CDH23: variants seen among roughly 807,000 people sequenced by gnomAD.
The protein encoded by CDH23 is cadherin related 23, also known as cadherin-23.
Under a neutral mutation model 317.1 loss-of-function variants are expected in CDH23, and 189 were observed. The observed-to-expected ratio is 0.60, with a 90% CI of 0.53 to 0.67. The LOEUF is 0.67. CDH23 is among the 30% of genes least tolerant of loss of function. The probability of loss-of-function intolerance (pLI) is 0.00; values close to 1 mark genes in which losing one functional copy is unlikely to be tolerated. For synonymous variants in CDH23, 1,839 were observed against 1,876.8 expected (o/e 0.98, Z 0.52); for missense variants, 4,401 against 4,592.4 (o/e 0.96, Z 1.20).
chr10:71,701,592 C>G (rs922825679), intron 22 of CDH23, among the ~76,000 whole-genome samples: 6 of 152,060 alleles, frequency 3.9e-5, no homozygotes, highest in Non-Finnish European at 5.9e-5. Flanking sequence ...CCTCTCCTTC[C>G]TTAACACTCC....
chr10:71,751,118 TG>T lies in CDH23; in HGVS notation c.4845+9198del, dbSNP rs1235645124. On this transcript the variant is annotated intron_variant, in intron 38 of 69. Transcript: ENST00000224721. The surrounding 1 kb of genome is among the most constrained non-coding windows in gnomAD (Gnocchi z 4.9). ...GGGTTGAGGGGCTGGGCTTCTGGGA[TG>T]TCACAGTATCTGAGCCCAGAGCAGG... 2.9e-6 allele frequency: 3 copies of T among 1,042,194 alleles called. No homozygotes were observed. In the African/African-American group the frequency reaches 4.9e-5, roughly 17 times the overall value. 64.6% of individuals were successfully genotyped at this position (1,042,194 alleles called of 1,614,324 possible). A position where few individuals can be genotyped will look rare whatever the true frequency, so the allele number is the denominator to read the frequency against.
chr10:71,705,408 C>G (rs560039177), intron 25 of CDH23, among the ~76,000 whole-genome samples: 1 of 152,292 alleles, frequency 6.6e-6, no homozygotes, highest in Admixed American at 6.5e-5. Flanking sequence ...AGCCTCTGAT[C>G]GTGGCAACAG....
chr10:71,806,127 T>C, intron 56 of CDH23, 41 bp from the exon 57 acceptor site: 2 of 1,539,364 alleles, frequency 1.3e-6, no homozygotes, highest in East Asian at 4.9e-5. Context: ...GCCAATCCCC[T>C]CTCCCAGTCT....
rs1851539209 is a variant in CDH23, at chr10:71,471,987, C to G, written c.145+25592C>G. Among the ~76,000 whole-genome samples, 3 of 152,200 alleles carry G rather than the reference C, an allele frequency of 2.0e-5. 1 individual carries two copies. The South Asian group carries it at 6.2e-4, about 31-fold the overall frequency. The stretch of plus-strand genomic sequence containing the variant: ...ACTTCTAATTTGTATTTTTGTCCCC[C>G]ACATCTACAGGTGTGCCTGGAATGG... On this transcript the variant is annotated intron_variant, in intron 3 of 69. Coordinates refer to ENST00000224721, the MANE Select transcript of CDH23 (RefSeq NM_022124.6).
intron 28 of CDH23, among the ~76,000 whole-genome samples, chr10:71,720,217 C>G (rs1027712627): frequency 6.6e-6 from 1 of 152,188 alleles, no homozygotes; most frequent in Non-Finnish European, 1.5e-5. Context: ...TCCCTGGGCC[C>G]CATTCCTTCC....
rs1847586606 is a variant in CDH23 at position 71,397,681 on chromosome 10, A to AT, written c.-6+367dup. 6.6e-6 allele frequency among the ~76,000 whole-genome samples: 1 copy of AT among 151,394 alleles called. No homozygotes were observed. Among genetic ancestry groups the AT allele is most frequent in the African/African-American group, 2.4e-5 (1 of 41,168 alleles). On this transcript the variant is annotated intron_variant, in intron 1 of 69. Transcript: ENST00000224721. The surrounding 1 kb of genome is among the most constrained non-coding windows in gnomAD (Gnocchi z 4.8). ...GAGGGTCCAGGTCTGGGGTGGAGAGATTTTCGAGAGTGGAGCGCGTTGGGA... is the reference window on the plus strand; with the variant it reads ...GAGGGTCCAGGTCTGGGGTGGAGAGATTTTTCGAGAGTGGAGCGCGTTGGGA...
chr10:71,588,083 C>T (rs1859204040), intron 9 of CDH23, among the ~76,000 whole-genome samples: 1 of 152,218 alleles, frequency 6.6e-6, no homozygotes, highest in African/African-American at 2.4e-5. Context: ...AGGAGGGAGA[C>T]CCCCTGGGGT....
chr10:71,548,378 G>A (rs557815855), intron 6 of CDH23, among the ~76,000 whole-genome samples: 1 of 152,148 alleles, frequency 6.6e-6, no homozygotes, highest in Non-Finnish European at 1.5e-5. Context: ...CAGGAGGGGT[G>A]CACAGAGCCT....
chr10:71,709,545 G>A lies in CDH23; in HGVS notation c.3220+334G>A, dbSNP rs150963875. Among the ~76,000 whole-genome samples, 475 of 152,354 alleles carry A rather than the reference G, an allele frequency of 3.1e-3. 2 individuals carry two copies. Among genetic ancestry groups the A allele is most frequent in the African/African-American group, 0.011 (450 of 41,586 alleles). ...GCAAACACAGAGTGGGAGAGGTCAC[G>A]GGAGGCTTCCTTCACGAATCGGCAT... On this transcript the variant is annotated intron_variant, in intron 27 of 69. Transcript: ENST00000224721.
chr10:71,805,893 A>C lies in CDH23; in HGVS notation c.7960A>C (p.Lys2654Gln). ...LNGAVRYSFL[K>Q]TAGNRDWEFF... is the part of the protein sequence containing the mutation. The stretch of plus-strand genomic sequence containing the variant: ...CGGGGCGGTGCGCTACAGCTTCCTG[A>C]AGACTGCGGGCAACCGGGACTGGGA... The change falls in exon 56 of 70, where the codon AAG becomes CAG. Residue 2654 changes from lysine to glutamine, a missense_variant. Coordinates refer to ENST00000224721, the MANE Select transcript of CDH23 (RefSeq NM_022124.6). 1 of 1,613,786 alleles carries C rather than the reference A, an allele frequency of 6.2e-7. No individual in the cohort carries two copies. The highest frequency in any genetic ancestry group is 8.5e-7 in the Non-Finnish European group (1 of 1,179,828).
intron 23 of CDH23, 145 bp from the exon 24 acceptor site, chr10:71,702,404 T>C (rs1347334179): frequency 1.7e-6 from 2 of 1,174,832 alleles, no homozygotes; most frequent in East Asian, 4.7e-5. Context: ...AGGGGAGCTG[T>C]GAGGCCTAGG....
At chr10:71,679,603 CT>C in intron 17 of CDH23, 111 bp downstream of exon 17, 1 of 875,722 alleles carries the variant, frequency 1.1e-6, no homozygotes, top group South Asian at 1.5e-5. Flanking sequence ...CCCTGACACT[CT>C]GGGCTACTCA....
chr10:71,552,752 T>G (rs1856668150), intron 6 of CDH23, among the ~76,000 whole-genome samples: 1 of 152,172 alleles, frequency 6.6e-6, no homozygotes. Flanking sequence ...GCTTTGATTC[T>G]TGTCCAGAAT....
In CDH23 at chr10:71,778,270, T is replaced by A. The variant is rs552998089; in HGVS notation, c.5149T>A (p.Cys1717Ser). The A allele has an allele frequency of 9.3e-6, 15 of 1,613,860 alleles. No homozygotes were observed. In the African/African-American group the frequency reaches 2.0e-4, roughly 22 times the overall value. Residue 1717 changes from cysteine (C) to serine (S), a missense_variant, in exon 40 of 70, where the codon TGC becomes AGC. By Grantham distance (112) the Cys-to-Ser change is moderately radical. Coordinates refer to ENST00000224721, the MANE Select transcript of CDH23 (RefSeq NM_022124.6). ...CCTGATCGTCACTGCCACAGACCAG[T>A]GCCCCATCTTATCCCACCGCCTCAC... is the stretch of plus-strand genomic sequence containing the variant. ...YTLIVTATDQ[C>S]PILSHRLTST...
At chr10:71,789,145 GA>G in intron 45 of CDH23, 103 bp downstream of exon 45, 1 of 658,710 alleles carries the variant, frequency 1.5e-6, no homozygotes, top group Admixed American at 2.4e-5. Context: ...GCTGAACCTA[GA>G]CCCCAGTGGG....
rs1194724868 is a variant in CDH23 at position 71,577,972 on chromosome 10, T to C, written c.812T>C (p.Ile271Thr). The change falls in exon 9 of 70, where the codon ATT becomes ACT. Residue 271 changes from isoleucine to threonine, a missense_variant. This residue lies in a region of CDH23 where 3,068 missense variants were observed against 3,203.3 expected (regional missense o/e 0.96). Transcript: ENST00000224721. ...IDQDKGRPRG[I>T]GYTIVSGNTN... ...CAGGATAAAGGACGTCCCCGGGGCA[T>C]TGGCTACACCATCGTTTCAGGTAAG... 3 of 1,603,164 alleles carry C rather than the reference T, an allele frequency of 1.9e-6. No homozygotes were observed. Among genetic ancestry groups the C allele is most frequent in the South Asian group, 1.1e-5 (1 of 88,512 alleles).
chr10:71,763,699 G>A (rs941539127), intron 38 of CDH23, among the ~76,000 whole-genome samples: 3 of 152,238 alleles, frequency 2.0e-5, no homozygotes, highest in African/African-American at 2.4e-5. Context: ...TTGAGGCAAC[G>A]GTTAGTAATA....
At chr10:71,608,733 C>G (rs2132496028) in intron 9 of CDH23, among the ~76,000 whole-genome samples, 1 of 152,340 alleles carries the variant, frequency 6.6e-6, no homozygotes, top group African/African-American at 2.4e-5. Context: ...GGGCAGCTGC[C>G]TCGTGAGTTC....
intron 14 of CDH23, among the ~76,000 whole-genome samples, chr10:71,664,817 C>G (rs1022875999): frequency 6.6e-6 from 1 of 151,444 alleles, no homozygotes; most frequent in Admixed American, 6.6e-5. Flanking sequence ...CTCCCCCTTC[C>G]CCCTCCTCCC....
Sources: gnomAD v4.1 joint callset for allele counts (sites outside exome capture counted in the v4.1 genomes callset) on GRCh38, gnomAD v4.1.1 for gene constraint, gnomAD v4.1.1 regional missense constraint, Gnocchi (gnomAD v3.1) non-coding constraint, MANE v1.5 for transcripts, NCBI Gene and HGNC (gene_info 2026-07-23, HGNC 2026-07-21) for gene names.